The following ACSM3 variants were observed in gnomAD, a reference collection of about 807,000 sequenced individuals.
ACSM3 encodes the protein acyl-coenzyme A synthetase ACSM3, mitochondrial.
ACSM3 carries 61 observed loss-of-function variants against 74.1 expected under a neutral mutation model. That is an observed-to-expected ratio of 0.82 (90% CI 0.67 to 1.02). The LOEUF is 1.02. Ranked by LOEUF, ACSM3 falls within the 50% of genes least tolerant of loss-of-function variation. The pLI, the probability that ACSM3 is intolerant of heterozygous loss-of-function variation, is 0.00. For synonymous variants in ACSM3, 213 were observed against 241.5 expected, an observed-to-expected ratio of 0.88 and a Z score of 1.09; for missense variants, 660 against 697.0, an observed-to-expected ratio of 0.95 and a Z score of 0.60.
At chr16:20,779,425 C>CAAAAAA (rs3050137) in intron 4 of ACSM3, among the ~76,000 whole-genome samples, 1 of 131,982 alleles carries the variant, frequency 7.6e-6, no homozygotes, top group Non-Finnish European at 1.6e-5. Context: ...AACCCTGTCT[C>CAAAAAA]AAAAAAAAAA....
intron 3 of ACSM3, among the ~76,000 whole-genome samples, chr16:20,756,656 A>C (rs986206549): frequency 6.6e-6 from 1 of 152,156 alleles, no homozygotes; most frequent in African/African-American, 2.4e-5. Context: ...CCATTTGTCA[A>C]TGTTGGCTTT....
At chr16:20,699,700 C>T (rs1440154415) in intron 1 of ACSM3, among the ~76,000 whole-genome samples, 1 of 152,188 alleles carries the variant, frequency 6.6e-6, no homozygotes, top group East Asian at 1.9e-4. Flanking sequence ...TAGTTCTCCC[C>T]TGTGGAACTG....
At chr16:20,787,219 C>G (rs1462891791) in intron 9 of ACSM3, among the ~76,000 whole-genome samples, 4 of 152,186 alleles carry the variant, frequency 2.6e-5, no homozygotes, top group Admixed American at 1.3e-4. Context: ...TGAAAACATC[C>G]TAAGTCACAA....
At chr16:20,687,414 G>A (rs2079573231) in intron 1 of ACSM3, among the ~76,000 whole-genome samples, 1 of 152,104 alleles carries the variant, frequency 6.6e-6, no homozygotes, top group South Asian at 2.1e-4. Context: ...GCCAAGGAAA[G>A]ATAAATGCTA....
chr16:20,693,527 AC>A (rs2079674116), intron 1 of ACSM3, among the ~76,000 whole-genome samples: 2 of 152,228 alleles, frequency 1.3e-5, no homozygotes, highest in African/African-American at 4.8e-5. Context: ...CCTCTTGCTC[AC>A]TTTCAACAAT....
chr16:20,713,373 C>T (rs142061576), intron 1 of ACSM3, among the ~76,000 whole-genome samples: 502 of 152,112 alleles, frequency 3.3e-3, no homozygotes, highest in Non-Finnish European at 5.0e-3. Flanking sequence ...TATACATCTC[C>T]ATTAGTAAAA....
intron 1 of ACSM3, chr16:20,721,955 G>T (rs2079787204): frequency 6.6e-6 from 1 of 152,196 alleles, no homozygotes. Context: ...TGATGTTACG[G>T]TCTGAGTTTA....
chr16:20,732,735 C>T (rs1224071345), intron 1 of ACSM3, among the ~76,000 whole-genome samples: 2 of 152,128 alleles, frequency 1.3e-5, no homozygotes, highest in African/African-American at 4.8e-5. Context: ...TACACTGTCA[C>T]CCTTCCTGTA....
intron 3 of ACSM3, among the ~76,000 whole-genome samples, chr16:20,757,528 A>T (rs2080041476): frequency 6.6e-6 from 1 of 151,266 alleles, no homozygotes; most frequent in Non-Finnish European, 1.5e-5. Flanking sequence ...GCTTAAGGAG[A>T]TTTTGGGCTG....
At chr16:20,769,596 C>A (rs932321665) in intron 1 of ACSM3, among the ~76,000 whole-genome samples, 1 of 152,222 alleles carries the variant, frequency 6.6e-6, no homozygotes, top group African/African-American at 2.4e-5. Context: ...AGACAAGAAG[C>A]CTTAGCCCTT....
intron 1 of ACSM3, among the ~76,000 whole-genome samples, chr16:20,675,276 A>C (rs1047938208): frequency 1.3e-5 from 2 of 152,126 alleles, no homozygotes; most frequent in African/African-American, 4.8e-5. Context: ...AAAGTGTGTG[A>C]AAGAGACGGT....
chr16:20,718,385 G>C, intron 1 of ACSM3: 2 of 955,078 alleles, frequency 2.1e-6, no homozygotes, highest in South Asian at 3.9e-5. Context: ...GTGGAAACAG[G>C]AAGTCAAGAA....
Position 20,792,317 on chromosome 16 carries a change from A to G in ACSM3, c.1536A>G (p.Pro512=). Residue 512 remains proline, a synonymous_variant, in exon 12 of 14, where the codon CCA becomes CCG. Transcript: ENST00000289416. ...CAGAGTCAGCTGTTGTCAGCAGCCC[A>G]GACCCCATCAGAGGAGAGGTAAAAG... ...SVAESAVVSS[P]DPIRGEVVKA... 1 of 1,614,076 alleles carries G rather than the reference A, an allele frequency of 6.2e-7. No homozygotes were observed. The highest frequency in any genetic ancestry group is 2.2e-5 in the East Asian group (1 of 44,878).
At chr16:20,747,165 C>T (rs2079961366) in intron 1 of ACSM3, among the ~76,000 whole-genome samples, 1 of 152,158 alleles carries the variant, frequency 6.6e-6, no homozygotes, top group Non-Finnish European at 1.5e-5. Flanking sequence ...ACACTATCTG[C>T]AGAGCCAGGG....
At chr16:20,695,967 T>C (rs1258945676) in intron 1 of ACSM3, among the ~76,000 whole-genome samples, 1 of 152,228 alleles carries the variant, frequency 6.6e-6, no homozygotes. Flanking sequence ...ATGGATCACA[T>C]ATACAGAGTG....
intron 1 of ACSM3, among the ~76,000 whole-genome samples, chr16:20,700,030 T>A (rs1015207251): frequency 3.3e-5 from 5 of 152,084 alleles, no homozygotes; most frequent in Non-Finnish European, 5.9e-5. Flanking sequence ...CAGGTATGAG[T>A]TTTCTGTACT....
intron 1 of ACSM3, chr16:20,720,937 T>C (rs867864801): frequency 3.3e-5 from 5 of 152,332 alleles, no homozygotes; most frequent in African/African-American, 1.2e-4. Context: ...GACATCCAAT[T>C]TGAGCCTCCT....
At chr16:20,712,874 T>C (rs894447486) in intron 1 of ACSM3, among the ~76,000 whole-genome samples, 2 of 151,318 alleles carry the variant, frequency 1.3e-5, no homozygotes, top group African/African-American at 4.9e-5. Context: ...GATGGCACCA[T>C]TGCACTCCAG....
intron 1 of ACSM3, chr16:20,738,162 T>G (rs2079886848): frequency 3.2e-6 from 2 of 633,244 alleles, no homozygotes; most frequent in Non-Finnish European, 5.8e-6. Flanking sequence ...TTTTAACTTT[T>G]CATCATTATT....
Sources: gnomAD v4.1 joint callset for allele counts (sites outside exome capture counted in the v4.1 genomes callset) on GRCh38, gnomAD v4.1.1 for gene constraint, MANE v1.5 for transcripts, NCBI Gene and HGNC (gene_info 2026-07-23, HGNC 2026-07-21) for gene names.